The following AGPS variants were observed in gnomAD, a reference collection of about 807,000 sequenced individuals.
AGPS encodes alkylglycerone phosphate synthase.
A neutral mutation model predicts 90.7 loss-of-function variants in AGPS; 26 were observed. The ratio of observed to expected loss-of-function variants is 0.29; its 90% CI spans 0.21 to 0.40. The LOEUF (loss-of-function observed/expected upper bound fraction) is 0.40. Ranked by LOEUF, AGPS falls within the 10% of genes least tolerant of loss-of-function variation. The probability of loss-of-function intolerance (pLI) is 1.00; values close to 1 mark genes in which losing one functional copy is unlikely to be tolerated. For synonymous variants in AGPS, 294 were observed against 285.3 expected (o/e 1.03, Z -0.31); for missense variants, 540 against 816.1 (o/e 0.66, Z 4.12).
chr2:177,528,030 T>A (rs2079105127), intron 19 of AGPS, among the ~76,000 whole-genome samples: 1 of 152,218 alleles, frequency 6.6e-6, no homozygotes, highest in African/African-American at 2.4e-5. Flanking sequence ...TTCCCTTTTC[T>A]ATTTTTTTTC....
At chr2:177,467,819 T>A (rs529025947) in intron 9 of AGPS, among the ~76,000 whole-genome samples, 3 of 152,270 alleles carry the variant, frequency 2.0e-5, no homozygotes, top group Admixed American at 6.5e-5. Flanking sequence ...TTTAGAGTGA[T>A]CCTACTTCCC....
Position 177,469,575 on chromosome 2 carries a change from A to G in AGPS, c.1105+1051A>G, listed in dbSNP as rs1042358893. On this transcript the variant is annotated intron_variant, in intron 10 of 19. Transcript: ENST00000264167. ...TTCTGATCAGCATACTCTTCTATGA[A>G]AAAACAAAACTATATTTGTAATAAG... is the stretch of plus-strand genomic sequence containing the variant. 7.2e-5 allele frequency among the ~76,000 whole-genome samples: 11 copies of G among 152,270 alleles called. 1 individual carries two copies. The highest frequency in any genetic ancestry group is 3.4e-3 in the Middle Eastern group (1 of 294).
intron 10 of AGPS, among the ~76,000 whole-genome samples, chr2:177,470,968 G>A (rs10930793): frequency 0.86 from 131,140 of 152,048 alleles, 56,754 homozygotes; most frequent in East Asian, 0.95. Flanking sequence ...ATTCATCTTC[G>A]TAAGTGTGTT....
chr2:177,402,565 C>CTTT (rs1685358455), intron 1 of AGPS, among the ~76,000 whole-genome samples: 1 of 152,104 alleles, frequency 6.6e-6, no homozygotes, highest in African/African-American at 2.4e-5. Flanking sequence ...TTTTGGGGAT[C>CTTT]TTTTCTTTTT....
At chr2:177,412,109 C>T (rs1268400544) in intron 1 of AGPS, among the ~76,000 whole-genome samples, 1 of 152,008 alleles carries the variant, frequency 6.6e-6, no homozygotes, top group Non-Finnish European at 1.5e-5. Context: ...CATTAGATCC[C>T]TTTGGAGATA....
chr2:177,426,897 G>A (rs1159597231), intron 2 of AGPS, among the ~76,000 whole-genome samples: 1 of 152,106 alleles, frequency 6.6e-6, no homozygotes, highest in Non-Finnish European at 1.5e-5. Context: ...AAGGAGTTAG[G>A]TAGCAGTCCC....
intron 19 of AGPS, among the ~76,000 whole-genome samples, chr2:177,536,002 A>G (rs927418625): frequency 6.6e-6 from 1 of 152,130 alleles, no homozygotes; most frequent in Non-Finnish European, 1.5e-5. Context: ...AGATGTGTAA[A>G]TTATCCTTCT....
chr2:177,418,511 G>A (rs1214695929), intron 1 of AGPS, among the ~76,000 whole-genome samples: 1 of 151,882 alleles, frequency 6.6e-6, no homozygotes, highest in African/African-American at 2.4e-5. Flanking sequence ...TTTATTTTGT[G>A]TAATACCAAA....
chr2:177,411,345 C>T (rs1685615198), intron 1 of AGPS, among the ~76,000 whole-genome samples: 1 of 152,176 alleles, frequency 6.6e-6, no homozygotes. Flanking sequence ...TCTTTCTTTC[C>T]CTGTGTTATA....
intron 1 of AGPS, among the ~76,000 whole-genome samples, chr2:177,417,580 T>A (rs1444368270): frequency 6.6e-6 from 1 of 152,210 alleles, no homozygotes; most frequent in Non-Finnish European, 1.5e-5. Flanking sequence ...GTTTCAGATA[T>A]TATTGCCTCT....
At chr2:177,440,482 T>C (rs564988966) in intron 5 of AGPS, among the ~76,000 whole-genome samples, 2 of 152,290 alleles carry the variant, frequency 1.3e-5, no homozygotes, top group South Asian at 4.1e-4. Context: ...CTGACCATTG[T>C]TCTTCAAAAC....
intron 1 of AGPS, among the ~76,000 whole-genome samples, chr2:177,405,472 T>G (rs1043808062): frequency 6.6e-6 from 1 of 152,226 alleles, no homozygotes; most frequent in Admixed American, 6.5e-5. Flanking sequence ...TCATCAATCT[T>G]TTTCTCTTTG....
chr2:177,491,763 C>A (rs1175738447), intron 11 of AGPS, among the ~76,000 whole-genome samples: 1 of 81,722 alleles, frequency 1.2e-5, no homozygotes, highest in Non-Finnish European at 2.3e-5. Flanking sequence ...CTTTCCTTCC[C>A]CCCCCCCCCC....
chr2:177,405,734 C>A (rs1249753782), intron 1 of AGPS, among the ~76,000 whole-genome samples: 1 of 145,074 alleles, frequency 6.9e-6, no homozygotes, highest in Non-Finnish European at 1.5e-5. Context: ...ACTTCCTTCT[C>A]TTCCTAAGCT....
intron 1 of AGPS, among the ~76,000 whole-genome samples, chr2:177,393,718 G>A (rs1345492961): frequency 4.0e-5 from 6 of 151,748 alleles, no homozygotes; most frequent in African/African-American, 1.5e-4. Context: ...GTTTGTAAGA[G>A]ATCTTGACTT....
At chr2:177,471,842 T>G (rs1184362437) in intron 10 of AGPS, among the ~76,000 whole-genome samples, 1 of 152,220 alleles carries the variant, frequency 6.6e-6, no homozygotes, top group Non-Finnish European at 1.5e-5. Flanking sequence ...TTTAAGTTTC[T>G]TTAAAATGCT....
chr2:177,496,620 T>C (rs1688420138), intron 12 of AGPS, among the ~76,000 whole-genome samples: 1 of 152,148 alleles, frequency 6.6e-6, no homozygotes, highest in African/African-American at 2.4e-5. Context: ...AGGTATAGCA[T>C]AGATATCTAA....
At chr2:177,450,474 G>T (rs564098148) in intron 8 of AGPS, among the ~76,000 whole-genome samples, 10 of 151,978 alleles carry the variant, frequency 6.6e-5, no homozygotes, top group Admixed American at 3.9e-4. Context: ...TTTGTATATG[G>T]TATAAAATTG....
chr2:177,398,159 T>G (rs569165013), intron 1 of AGPS, among the ~76,000 whole-genome samples: 64 of 152,342 alleles, frequency 4.2e-4, no homozygotes, highest in African/African-American at 1.5e-3. Flanking sequence ...CTGAAGCCTG[T>G]AAGAGCTGAT....
Sources: allele counts gnomAD v4.1 joint callset (sites outside exome capture counted in the v4.1 genomes callset), GRCh38; gene constraint gnomAD v4.1.1; transcripts MANE v1.5; gene names NCBI Gene and HGNC (gene_info 2026-07-23, HGNC 2026-07-21).